Variants in LGSN observed in about 807,000 individuals in gnomAD.
LGSN encodes the protein lengsin.
A neutral mutation model predicts 19.5 loss-of-function variants in LGSN; 21 were observed. The observed-to-expected ratio is 1.07, with a 90% CI of 0.76 to 1.55. LGSN has a LOEUF of 1.55. Ranked by LOEUF, LGSN falls within the 40% of genes most tolerant of loss-of-function variation. The pLI, the probability that LGSN is intolerant of heterozygous loss-of-function variation, is 0.00. For synonymous variants in LGSN, 257 were observed against 215.6 expected (o/e 1.19, Z -1.68); for missense variants, 673 against 608.5 (o/e 1.11, Z -1.12).
At chr6:63,295,151 G>A in intron 1 of LGSN, 106 bp from the exon 2 acceptor site, 1 of 1,020,360 alleles carries the variant, frequency 9.8e-7, no homozygotes, top group African/African-American at 1.6e-5. Flanking sequence ...AATGAGCATA[G>A]AAGACTTTTA....
chr6:63,454,793 C>CTTTTTTT, the LGSN span, among the ~76,000 whole-genome samples: 166 of 91,666 alleles, frequency 1.8e-3, no homozygotes, highest in African/African-American at 4.2e-3. Context: ...TTTTCTTTTT[C>CTTTTTTT]TTTTTTTTTT....
At chr6:63,412,517 A>AGAAGGAAG in the LGSN span, among the ~76,000 whole-genome samples, 3 of 101,242 alleles carry the variant, frequency 3.0e-5, no homozygotes, top group South Asian at 6.5e-4. Flanking sequence ...AAAGAAAGAA[A>AGAAGGAAG]GAAAGAAAGA....
chr6:63,458,050 T>TTATTTA, the LGSN span, among the ~76,000 whole-genome samples: 1 of 151,142 alleles, frequency 6.6e-6, no homozygotes, highest in Non-Finnish European at 1.5e-5. Context: ...ATAATTTCAT[T>TTATTTA]TATTTTTATT....
At chr6:63,445,701 C>T in the LGSN span, among the ~76,000 whole-genome samples, 1 of 152,292 alleles carries the variant, frequency 6.6e-6, no homozygotes, top group Non-Finnish European at 1.5e-5. Context: ...TCAATATCAG[C>T]ATAGATTTAG....
At chr6:63,497,918 C>CTTTTT in the LGSN span, among the ~76,000 whole-genome samples, 1 of 121,906 alleles carries the variant, frequency 8.2e-6, no homozygotes. Context: ...TGTCATGTTT[C>CTTTTT]TTTTTTTTTT....
the LGSN span, among the ~76,000 whole-genome samples, chr6:63,401,295 GA>G: frequency 6.6e-6 from 1 of 151,728 alleles, no homozygotes; most frequent in Non-Finnish European, 1.5e-5. Flanking sequence ...AGCTACTTGG[GA>G]GGCTGAGGTG....
At chr6:63,480,940 G>GAGATATAT in the LGSN span, among the ~76,000 whole-genome samples, 520 of 59,686 alleles carry the variant, frequency 8.7e-3, 44 homozygotes, top group Middle Eastern at 0.019. Flanking sequence ...TAAAGAAAAT[G>GAGATATAT]ATATATATAT....
At chr6:63,392,891 T>C in the LGSN span, among the ~76,000 whole-genome samples, 1 of 141,658 alleles carries the variant, frequency 7.1e-6, no homozygotes, top group Non-Finnish European at 1.5e-5. Flanking sequence ...CTTTTTTTTT[T>C]TTTTTTTTTT....
chr6:63,368,274 G>C, the LGSN span, among the ~76,000 whole-genome samples: 1 of 152,056 alleles, frequency 6.6e-6, no homozygotes, highest in African/African-American at 2.4e-5. Flanking sequence ...AAGGCTATCT[G>C]GTCCAAGTAC....
chr6:63,278,278 A>G lies in LGSN; in HGVS notation c.*1743T>C, dbSNP rs1196090922. ...TTACTGAGAACAGAGGGGAAAATGA[A>G]CAGAGGGGAATTTTCTAGCAGACAG... On this transcript the variant is annotated 3_prime_UTR_variant, in exon 4 of 4. Coordinates refer to ENST00000370657, the MANE Select transcript of LGSN (RefSeq NM_016571.3). 3.9e-5 allele frequency: 6 copies of G among 152,018 alleles called. No individual in the cohort carries two copies. Among genetic ancestry groups the G allele is most frequent in the African/African-American group, 1.2e-4 (5 of 41,378 alleles). 9.4% of individuals were successfully genotyped at this position (152,018 alleles called of 1,614,324 possible).
the LGSN span, among the ~76,000 whole-genome samples, chr6:63,404,883 C>T: frequency 1.3e-5 from 2 of 151,846 alleles, no homozygotes; most frequent in South Asian, 2.1e-4. Context: ...TATACATGTG[C>T]CATGCTGGTG....
the LGSN span, among the ~76,000 whole-genome samples, chr6:63,325,032 A>G: frequency 9.3e-3 from 1,346 of 145,008 alleles, 18 homozygotes; most frequent in Middle Eastern, 0.024. Flanking sequence ...TGAACCTGGG[A>G]GGCAGAGGTT....
chr6:63,562,783 T>G, the LGSN span, among the ~76,000 whole-genome samples: 2 of 152,338 alleles, frequency 1.3e-5, no homozygotes, highest in African/African-American at 4.8e-5. Flanking sequence ...CTCAAAACCC[T>G]CAGAAATAGT....
chr6:63,301,830 T>C (rs1005784072), intron 1 of LGSN, among the ~76,000 whole-genome samples: 1 of 152,154 alleles, frequency 6.6e-6, no homozygotes. Context: ...AAACTGAATC[T>C]CCTCTTCATC....
At chr6:63,555,798 A>G in the LGSN span, among the ~76,000 whole-genome samples, 1 of 149,970 alleles carries the variant, frequency 6.7e-6, no homozygotes, top group Non-Finnish European at 1.5e-5. Context: ...AGTTCAAGCG[A>G]TTCTCCTGCC....
At chr6:63,338,540 T>C in the LGSN span, among the ~76,000 whole-genome samples, 1 of 152,188 alleles carries the variant, frequency 6.6e-6, no homozygotes, top group Non-Finnish European at 1.5e-5. Context: ...GTAGTATCAG[T>C]CGTAATGGCT....
chr6:63,526,623 C>T, the LGSN span, among the ~76,000 whole-genome samples: 2 of 151,492 alleles, frequency 1.3e-5, no homozygotes, highest in Non-Finnish European at 2.9e-5. Context: ...TCCTGGCCAC[C>T]ATGGTGAAAC....
the LGSN span, among the ~76,000 whole-genome samples, chr6:63,487,755 C>A: frequency 0.54 from 81,497 of 152,008 alleles, 23,681 homozygotes; most frequent in African/African-American, 0.77. Context: ...CCGAGGTGGG[C>A]GGATCACCTA....
chr6:63,309,561 T>G (rs1284861004), intron 1 of LGSN, among the ~76,000 whole-genome samples: 1 of 152,090 alleles, frequency 6.6e-6, no homozygotes, highest in Admixed American at 6.6e-5. Context: ...TCTAGTGGGG[T>G]TTTTTTGGCG....
Sources: allele counts gnomAD v4.1 joint callset (sites outside exome capture counted in the v4.1 genomes callset), GRCh38; gene constraint gnomAD v4.1.1; transcripts MANE v1.5; gene names NCBI Gene and HGNC (gene_info 2026-07-23, HGNC 2026-07-21).